ANKRD13C: variants seen among roughly 807,000 people sequenced by gnomAD.
ANKRD13C encodes the protein ankyrin repeat domain-containing protein 13C.
Under a neutral mutation model 65.5 loss-of-function variants are expected in ANKRD13C, and 16 were observed. The observed-to-expected ratio is 0.24, with a 90% CI of 0.17 to 0.37. The LOEUF is 0.37. Ranked by LOEUF, ANKRD13C falls within the 10% of genes least tolerant of loss-of-function variation. The pLI is 1.00. For missense variants in ANKRD13C, 503 were observed against 655.9 expected, an observed-to-expected ratio of 0.77 and a Z score of 2.55; for synonymous variants, 235 against 238.7, an observed-to-expected ratio of 0.98 and a Z score of 0.14.
At chr1:70,265,970 T>G (rs908674852) in intron 12 of ANKRD13C, among the ~76,000 whole-genome samples, 30 of 148,376 alleles carry the variant, frequency 2.0e-4, no homozygotes, top group African/African-American at 7.3e-4. Context: ...CAAGGGAGAT[T>G]TCCTGTAGCC....
intron 1 of ANKRD13C, among the ~76,000 whole-genome samples, chr1:70,337,240 AT>A (rs1682082605): frequency 6.6e-6 from 1 of 152,084 alleles, no homozygotes; most frequent in South Asian, 2.1e-4. Flanking sequence ...GCAAAATACT[AT>A]TTTGAGCAAA....
chr1:70,318,561 A>G (rs1681164984), intron 3 of ANKRD13C, among the ~76,000 whole-genome samples: 1 of 152,144 alleles, frequency 6.6e-6, no homozygotes, highest in Non-Finnish European at 1.5e-5. Context: ...CCTATAGTCT[A>G]TATATCAATT....
At chr1:70,290,059 T>C (rs1679793914) in intron 9 of ANKRD13C, among the ~76,000 whole-genome samples, 1 of 152,116 alleles carries the variant, frequency 6.6e-6, no homozygotes, top group South Asian at 2.1e-4. Context: ...TGAAGTCTGG[T>C]GAAGCTTTAT....
At chr1:70,324,026 T>C (rs1200395809) in intron 3 of ANKRD13C, among the ~76,000 whole-genome samples, 1 of 152,066 alleles carries the variant, frequency 6.6e-6, no homozygotes. Context: ...GTGCCCAGCC[T>C]GCCAAATCTT....
intron 3 of ANKRD13C, among the ~76,000 whole-genome samples, chr1:70,321,281 GC>G (rs1681295316): frequency 6.6e-6 from 1 of 152,082 alleles, no homozygotes; most frequent in African/African-American, 2.4e-5. Flanking sequence ...GCAACATATT[GC>G]AAAGGAAAAG....
intron 11 of ANKRD13C, among the ~76,000 whole-genome samples, chr1:70,273,579 CA>C (rs1461928171): frequency 6.6e-6 from 1 of 151,856 alleles, no homozygotes; most frequent in South Asian, 2.1e-4. Context: ...GAATGATAAA[CA>C]ACAGTATATC....
intron 9 of ANKRD13C, among the ~76,000 whole-genome samples, chr1:70,280,919 G>A (rs1679358640): frequency 6.6e-6 from 1 of 152,018 alleles, no homozygotes; most frequent in Non-Finnish European, 1.5e-5. Flanking sequence ...ACAGAAAATA[G>A]ACTAAATAGA....
At chr1:70,283,820 G>GA (rs959587415) in intron 9 of ANKRD13C, among the ~76,000 whole-genome samples, 212 of 146,054 alleles carry the variant, frequency 1.5e-3, no homozygotes, top group African/African-American at 2.5e-3. Flanking sequence ...TCTCAAAAAA[G>GA]AAAAAAAAAA....
At position 70,354,283 on chromosome 1, in the gene ANKRD13C, C is replaced by T; in HGVS notation, c.126G>A (p.Arg42=). Residue 42 remains arginine (R), a synonymous_variant, in exon 1 of 13, where the codon AGG becomes AGA. Coordinates refer to ENST00000370944, the MANE Select transcript of ANKRD13C (RefSeq NM_030816.5). ...AALGGTFTRS[R]IGKGGKACHK... is the part of the protein sequence containing the mutation. ...GACAAGCTTTGCCGCCCTTGCCAATCCTGCTTCTGGTAAAGGTACCGCCGA... is the reference window on the plus strand; with the variant it reads ...GACAAGCTTTGCCGCCCTTGCCAATTCTGCTTCTGGTAAAGGTACCGCCGA... 6.2e-7 allele frequency: 1 copy of T among 1,613,944 alleles called. No homozygotes were observed. The highest frequency in any genetic ancestry group is 8.5e-7 in the Non-Finnish European group (1 of 1,180,026).
chr1:70,330,574 CAAAAAAAAAA>C lies in ANKRD13C; in HGVS notation c.472+5474_472+5483del, dbSNP rs71071394. Among the ~76,000 whole-genome samples the C allele has an allele frequency of 7.8e-3, 536 of 68,398 alleles. 7 individuals carry two copies. Among genetic ancestry groups the C allele is most frequent in the African/African-American group, 0.028 (519 of 18,422 alleles). The allele number at this position is 68,398 out of a possible 152,430, so 44.9% of individuals were successfully genotyped here. On this transcript the variant is annotated intron_variant, in intron 2 of 12. Transcript: ENST00000370944. ...CTCCGTCTCAAAAAAACAAACAAACCAAAAAAAAAAAAAAAAAAAAAGAAATCACACATTA... is the reference window on the plus strand; with the variant it reads ...CTCCGTCTCAAAAAAACAAACAAACCAAAAAAAAAAAGAAATCACACATTA...
At chr1:70,312,987 G>A (rs1680913336) in intron 5 of ANKRD13C, among the ~76,000 whole-genome samples, 1 of 152,050 alleles carries the variant, frequency 6.6e-6, no homozygotes, top group Non-Finnish European at 1.5e-5. Flanking sequence ...TAAAGAAAGT[G>A]GCTATAAAGT....
intron 9 of ANKRD13C, among the ~76,000 whole-genome samples, chr1:70,277,146 A>G (rs1679176276): frequency 6.6e-6 from 1 of 152,188 alleles, no homozygotes; most frequent in Non-Finnish European, 1.5e-5. Context: ...CTGAACATGG[A>G]ACTACAGAGA....
At chr1:70,292,787 A>G (rs1301238959) in intron 8 of ANKRD13C, among the ~76,000 whole-genome samples, 1 of 152,220 alleles carries the variant, frequency 6.6e-6, no homozygotes, top group Non-Finnish European at 1.5e-5. Flanking sequence ...TTTAAAATAC[A>G]TAAAAATGTA....
intron 9 of ANKRD13C, among the ~76,000 whole-genome samples, chr1:70,289,259 C>T (rs965120571): frequency 1.8e-4 from 28 of 152,054 alleles, no homozygotes; most frequent in Admixed American, 1.4e-3. Context: ...TTGCAAAGTA[C>T]GGCTGCTTAA....
At chr1:70,274,658 A>AT in intron 11 of ANKRD13C, 62 bp downstream of exon 11, 1 of 1,269,840 alleles carries the variant, frequency 7.9e-7, no homozygotes, top group Admixed American at 1.7e-5. Flanking sequence ...TGCAAATATT[A>AT]TTACAGCCTT....
rs577291805 is a variant in ANKRD13C at position 70,321,062 on chromosome 1, A to T, written c.577+3791T>A. 4.6e-5 allele frequency among the ~76,000 whole-genome samples: 7 copies of T among 152,214 alleles called. No homozygotes were observed. The East Asian group carries it at 9.7e-4, about 21-fold the overall frequency. On this transcript the variant is annotated intron_variant, in intron 3 of 12. Coordinates refer to ENST00000370944, the MANE Select transcript of ANKRD13C (RefSeq NM_030816.5). ...TGGGGTTACTGGCATCTAATATAAT[A>T]CTTTAAAGAAAAATTTTGATTCTTG...
At chr1:70,300,655 C>A in intron 7 of ANKRD13C, 109 bp downstream of exon 7, 1 of 977,796 alleles carries the variant, frequency 1.0e-6, no homozygotes, top group Non-Finnish European at 1.4e-6. Context: ...AGGAACAAAC[C>A]ATCTCAATTA....
intron 8 of ANKRD13C, chr1:70,293,504 C>G: frequency 1.0e-6 from 1 of 966,916 alleles, no homozygotes; most frequent in South Asian, 4.8e-5. Flanking sequence ...CCCTCCTTAC[C>G]TGTCAAAGAT....
intron 2 of ANKRD13C, among the ~76,000 whole-genome samples, chr1:70,330,501 T>C (rs1681737792): frequency 1.4e-5 from 2 of 138,910 alleles, no homozygotes; most frequent in Non-Finnish European, 1.5e-5. Flanking sequence ...GAGGTTGCAG[T>C]GAGCAGAGAT....
Sources: allele counts gnomAD v4.1 joint callset (sites outside exome capture counted in the v4.1 genomes callset), GRCh38; gene constraint gnomAD v4.1.1; transcripts MANE v1.5; gene names NCBI Gene and HGNC (gene_info 2026-07-23, HGNC 2026-07-21).